The following DNAJC28 variants were observed in gnomAD, a reference collection of about 807,000 sequenced individuals.
DNAJC28 encodes the protein DnaJ heat shock protein family (Hsp40) member C28.
A neutral mutation model predicts 33.3 loss-of-function variants in DNAJC28; 24 were observed. The ratio of observed to expected loss-of-function variants is 0.72; its 90% CI spans 0.52 to 1.01. The LOEUF (loss-of-function observed/expected upper bound fraction) is 1.01. Ranked by LOEUF, DNAJC28 falls within the 50% of genes least tolerant of loss-of-function variation. The pLI is 0.00. For missense variants in DNAJC28, 442 were observed against 455.2 expected (o/e 0.97, Z 0.26); for synonymous variants, 120 against 147.2 (o/e 0.82, Z 1.34).
chr21:33,488,958 T>A lies in DNAJC28; in HGVS notation c.436A>T (p.Thr146Ser). The change falls in exon 2 of 2, where the codon ACT (threonine) becomes TCT (serine). Residue 146 changes from threonine to serine, a missense_variant. By Grantham distance (58) the Thr-to-Ser change is moderately conservative. Coordinates refer to ENST00000381947, the MANE Select transcript of DNAJC28 (RefSeq NM_001040192.3). ...YLSFEGIGFG[T>S]PTQREKHYRQ... ...TAATGCTTCTCTCGTTGAGTTGGAG[T>A]CCCAAAACCAATACCTTCAAAACTT... 6.2e-7 allele frequency: 1 copy of A among 1,613,892 alleles called. No individual in the cohort carries two copies. Among genetic ancestry groups the A allele is most frequent in the East Asian group, 2.2e-5 (1 of 44,878 alleles).
chr21:33,489,205 A>G lies in DNAJC28; in HGVS notation c.189T>C (p.Ser63=). 6.2e-7 allele frequency: 1 copy of G among 1,607,836 alleles called. No homozygotes were observed. The highest frequency in any genetic ancestry group is 1.1e-5 in the South Asian group (1 of 89,450). Residue 63 remains serine (S), a synonymous_variant, in exon 2 of 2, where the codon TCT becomes TCC. Coordinates refer to ENST00000381947, the MANE Select transcript of DNAJC28 (RefSeq NM_001040192.3). ...GAAAAGATTCCCTGACTTCATCTGC[A>G]GAGCATCCTTCCTCCACGTTCAGCA... The part of the protein sequence containing the change: ...YRLLNVEEGC[S]ADEVRESFHK...
At chr21:33,490,308 CGT>C (rs1309196146) in intron 1 of DNAJC28, among the ~76,000 whole-genome samples, 1 of 149,962 alleles carries the variant, frequency 6.7e-6, no homozygotes. Context: ...GGCGTTTCAC[CGT>C]GTTAGCCAGG....
chr21:33,489,062 T>A lies in DNAJC28; in HGVS notation c.332A>T (p.Asn111Ile). Residue 111 changes from asparagine (N) to isoleucine (I), a missense_variant, in exon 2 of 2, where the codon AAT (asparagine) becomes ATT (isoleucine). Transcript: ENST00000381947. Reference sequence around the variant, plus strand: ...TTCTTCACCTTTACTCTGACTGGCATTTGTTTGTTCTATCACATGGGAGAG... The same window carrying A: ...TTCTTCACCTTTACTCTGACTGGCAATTGTTTGTTCTATCACATGGGAGAG... ...KVLSHVIEQT[N>I]ASQSKGEEEE... The A allele has an allele frequency of 1.2e-6, 2 of 1,613,014 alleles. No individual in the cohort carries two copies. Among genetic ancestry groups the A allele is most frequent in the South Asian group, 1.1e-5 (1 of 90,670 alleles).
At position 33,488,469 on chromosome 21, in the gene DNAJC28, T is replaced by C; in HGVS notation, c.925A>G (p.Lys309Glu). ...ATTAAATTAAAATCATTAATTCGCT[T>C]GTTTAATTTTCTGATGTTTTCTTGA... ...QFQENIRKLNKRINDFNLIVP... is the reference protein window; with the variant it reads ...QFQENIRKLNERINDFNLIVP... Residue 309 changes from lysine to glutamate, a missense_variant, in exon 2 of 2, where the codon AAG (lysine) becomes GAG (glutamate). Coordinates refer to ENST00000381947, the MANE Select transcript of DNAJC28 (RefSeq NM_001040192.3). 6.2e-7 allele frequency: 1 copy of C among 1,611,190 alleles called. No individual in the cohort carries two copies. The highest frequency in any genetic ancestry group is 8.5e-7 in the Non-Finnish European group (1 of 1,179,226).
chr21:33,488,174 C>T lies in DNAJC28; in HGVS notation c.*53G>A. On this transcript the variant is annotated 3_prime_UTR_variant, in exon 2 of 2. Transcript: ENST00000381947. ...ATTCTTGTATTATAGCAATAAATCTCATTTTCCATGTAAAGTGTCAGTGGA... is the reference window on the plus strand; with the variant it reads ...ATTCTTGTATTATAGCAATAAATCTTATTTTCCATGTAAAGTGTCAGTGGA... The T allele has an allele frequency of 7.4e-7, 1 of 1,351,966 alleles. No individual in the cohort carries two copies. 83.7% of individuals were successfully genotyped at this position (1,351,966 alleles called of 1,614,324 possible). A position where few individuals can be genotyped will look rare whatever the true frequency, so the allele number is the denominator to read the frequency against.
intron 1 of DNAJC28, among the ~76,000 whole-genome samples, chr21:33,490,120 CTT>C (rs899299286): frequency 1.2e-4 from 16 of 132,744 alleles, no homozygotes; most frequent in Admixed American, 7.5e-5. Flanking sequence ...CTTTTCTTTT[CTT>C]TTTTTTTTTT....
At chr21:33,490,252 G>A (rs574887761) in intron 1 of DNAJC28, among the ~76,000 whole-genome samples, 1 of 151,288 alleles carries the variant, frequency 6.6e-6, no homozygotes, top group South Asian at 2.1e-4. Context: ...GGGATTACAG[G>A]TGCACGACAC....
chr21:33,488,982 TTAAA>T lies in DNAJC28; in HGVS notation c.408_411del (p.Tyr136Ter). 1 of 1,613,926 alleles carries T rather than the reference TTAAA, an allele frequency of 6.2e-7. No individual in the cohort carries two copies. The highest frequency in any genetic ancestry group is 1.7e-5 in the Admixed American group (1 of 59,980). ...GTCCCAAAACCAATACCTTCAAAAC[TTAAA>T]TAATGTCGGTGTTGGGGTGTTTTAT... On this transcript the variant is annotated frameshift_variant, in exon 2 of 2. Coordinates refer to ENST00000381947, the MANE Select transcript of DNAJC28 (RefSeq NM_001040192.3). LOFTEE classifies it high-confidence loss of function.
At chr21:33,489,760 G>A (rs1036608560) in intron 1 of DNAJC28, among the ~76,000 whole-genome samples, 1 of 150,082 alleles carries the variant, frequency 6.7e-6, no homozygotes, top group African/African-American at 2.5e-5. Context: ...AAAGTGCTGG[G>A]ATTACAGGTA....
At position 33,488,691 on chromosome 21, in the gene DNAJC28, A is replaced by G; in HGVS notation, c.703T>C (p.Tyr235His). 1 of 1,610,762 alleles carries G rather than the reference A, an allele frequency of 6.2e-7. No homozygotes were observed. The highest frequency in any genetic ancestry group is 1.1e-5 in the South Asian group (1 of 90,126). ...KPLKKFSDCS[Y>H]IDPMTHNLNR... Reference sequence around the variant, plus strand: ...AGGTTGTGAGTCATGGGATCAATGTAAGAACAGTCAGAAAACTTTTTCAGA... The same window carrying G: ...AGGTTGTGAGTCATGGGATCAATGTGAGAACAGTCAGAAAACTTTTTCAGA... Residue 235 changes from tyrosine to histidine, a missense_variant, in exon 2 of 2, where the codon TAC (tyrosine) becomes CAC (histidine). By Grantham distance (83) the Tyr-to-His change is moderately conservative. Coordinates refer to ENST00000381947, the MANE Select transcript of DNAJC28 (RefSeq NM_001040192.3).
chr21:33,490,112 TTTC>T (rs1180026865), intron 1 of DNAJC28, among the ~76,000 whole-genome samples: 2 of 149,492 alleles, frequency 1.3e-5, no homozygotes, highest in South Asian at 2.1e-4. Flanking sequence ...TTTCTTTTCT[TTTC>T]TTTTCTTTTT....
Position 33,489,781 on chromosome 21 carries a change from C to T in DNAJC28, c.-31-357G>A, listed in dbSNP as rs182618346. 7.0e-3 allele frequency among the ~76,000 whole-genome samples: 1,027 copies of T among 146,168 alleles called. 8 individuals are homozygous for T. The highest frequency in any genetic ancestry group is 0.033 in the South Asian group (149 of 4,540). On this transcript the variant is annotated intron_variant, in intron 1 of 1. Transcript: ENST00000381947. Reference sequence around the variant, plus strand: ...CTGGGATTACAGGTATGAGCCACTGCGCTCAGCCTTTTTTTTTTTTTTTTT... The same window carrying T: ...CTGGGATTACAGGTATGAGCCACTGTGCTCAGCCTTTTTTTTTTTTTTTTT...
rs2084483948 is a variant in DNAJC28 at position 33,488,503 on chromosome 21, A to G, written c.891T>C (p.Cys297=). ...TTCTGATGTTTTCTTGAAACTGCTC[A>G]CAAACATGGTTCCACTGTTTCTTTT... The part of the protein sequence containing the change: ...PTEKKQWNHV[C]EQFQENIRKL... Residue 297 remains cysteine (C), a synonymous_variant, in exon 2 of 2, where the codon TGT becomes TGC. Transcript: ENST00000381947. 1 of 1,612,088 alleles carries G rather than the reference A, an allele frequency of 6.2e-7. No homozygotes were observed. Among genetic ancestry groups the G allele is most frequent in the African/African-American group, 1.3e-5 (1 of 74,816 alleles).
intron 1 of DNAJC28, among the ~76,000 whole-genome samples, chr21:33,490,540 G>A (rs918033715): frequency 2.0e-5 from 3 of 151,872 alleles, no homozygotes; most frequent in Admixed American, 6.6e-5. Flanking sequence ...TTAGGAGGCC[G>A]AGGTGGGTGG....
At chr21:33,489,463 A>G in intron 1 of DNAJC28, 39 bp from the exon 2 acceptor site, 5 of 1,095,586 alleles carry the variant, frequency 4.6e-6, no homozygotes, top group Non-Finnish European at 6.3e-6. Flanking sequence ...ACAAAGTTGT[A>G]TTATCAGTTA....
chr21:33,488,564 G>A lies in DNAJC28; in HGVS notation c.830C>T (p.Ser277Phe). 1 of 1,613,186 alleles carries A rather than the reference G, an allele frequency of 6.2e-7. No individual in the cohort carries two copies. The highest frequency in any genetic ancestry group is 8.5e-7 in the Non-Finnish European group (1 of 1,179,846). ...IEQLREAILV[S>F]RKKLGNPMTP... ...CATTGGATTCCCAAGTTTTTTCCTA[G>A]ACACTAAAATTGCCTCTCTGAGTTG... The change falls in exon 2 of 2, where the codon TCT (serine) becomes TTT (phenylalanine). Residue 277 changes from serine (S) to phenylalanine (F), a missense_variant. By Grantham distance (155) the Ser-to-Phe change is radical (BLOSUM62 -2). Transcript: ENST00000381947.
chr21:33,489,523 TACA>T (rs1315539115), intron 1 of DNAJC28, 99 bp from the exon 2 acceptor site: 1 of 585,664 alleles, frequency 1.7e-6, no homozygotes, highest in South Asian at 4.4e-5. Context: ...AATTTATAAG[TACA>T]ACAAGGGGCA....
In DNAJC28 at chr21:33,488,824, C is replaced by G; in HGVS notation, c.570G>C (p.Gln190His). The change falls in exon 2 of 2, where the codon CAG (glutamine) becomes CAC (histidine). Residue 190 changes from glutamine (Q) to histidine (H), a missense_variant. Transcript: ENST00000381947. Reference sequence around the variant, plus strand: ...CTTGCGTTATCTTTTGCTGTTTGCTCTGTCTTATATTTTTAACAATTACAC... The same window carrying G: ...CTTGCGTTATCTTTTGCTGTTTGCTGTGTCTTATATTTTTAACAATTACAC... ...PDSVIVKNIR[Q>H]SKQQKITQAI... The G allele has an allele frequency of 6.2e-7, 1 of 1,612,898 alleles. No homozygotes were observed. The highest frequency in any genetic ancestry group is 8.5e-7 in the Non-Finnish European group (1 of 1,179,800).
rs1296497536 is a variant in DNAJC28, at chr21:33,488,147, A to G, written c.*80T>C. 2.6e-6 allele frequency: 3 copies of G among 1,174,226 alleles called. No homozygotes were observed. The highest frequency in any genetic ancestry group is 3.5e-6 in the Non-Finnish European group (3 of 863,688). The allele number at this position is 1,174,226 out of a possible 1,614,324, so 72.7% of individuals were successfully genotyped here. On this transcript the variant is annotated 3_prime_UTR_variant, in exon 2 of 2. Coordinates refer to ENST00000381947, the MANE Select transcript of DNAJC28 (RefSeq NM_001040192.3). The stretch of plus-strand genomic sequence containing the variant: ...TGATAAGTACAATGGCACAATTCTT[A>G]AATTCTTGTATTATAGCAATAAATC...
Sources: allele counts gnomAD v4.1 joint callset (sites outside exome capture counted in the v4.1 genomes callset), GRCh38; gene constraint gnomAD v4.1.1; transcripts MANE v1.5; gene names NCBI Gene and HGNC (gene_info 2026-07-23, HGNC 2026-07-21).